The following FRYL variants were observed in gnomAD, a reference collection of about 807,000 sequenced individuals.
FRYL encodes the protein FRY like transcription coactivator.
A neutral mutation model predicts 351.2 loss-of-function variants in FRYL; 150 were observed. The observed-to-expected ratio is 0.43, with a 90% CI of 0.37 to 0.49. The LOEUF (loss-of-function observed/expected upper bound fraction) is 0.49. Among genes scored for constraint, FRYL ranks in the 20% least tolerant of loss-of-function variants. The pLI, the probability that FRYL is intolerant of heterozygous loss-of-function variation, is 0.00. For synonymous variants in FRYL, 1,153 were observed against 1,257.1 expected, an observed-to-expected ratio of 0.92 and a Z score of 1.75; for missense variants, 3,036 against 3,619.3, an observed-to-expected ratio of 0.84 and a Z score of 4.13.
At chr4:48,624,051 T>C (rs1751262221) in intron 4 of FRYL, among the ~76,000 whole-genome samples, 1 of 152,150 alleles carries the variant, frequency 6.6e-6, no homozygotes, top group South Asian at 2.1e-4. Flanking sequence ...TTGCTTGGTA[T>C]CACAGAAGCC....
At chr4:48,545,592 A>G (rs867518951) in intron 42 of FRYL, among the ~76,000 whole-genome samples, 2 of 152,074 alleles carry the variant, frequency 1.3e-5, no homozygotes, top group Middle Eastern at 3.2e-3. Flanking sequence ...AGCTTTCCAT[A>G]ATTGTCTAGA....
chr4:48,541,906 A>G lies in FRYL; in HGVS notation c.5687+121T>C, dbSNP rs559557161. ...GTCTGCGGCCCATCTCCCCACTGGT[A>G]ATCCATCTAATTTGGGCAGTATTGT... On this transcript the variant is annotated intron_variant, in intron 45 of 63. Transcript: ENST00000358350. 2 of 685,880 alleles carry G rather than the reference A, an allele frequency of 2.9e-6. 1 individual carries two copies. Among genetic ancestry groups the G allele is most frequent in the South Asian group, 3.9e-5 (2 of 51,780 alleles). The allele number at this position is 685,880 out of a possible 1,614,324, so 42.5% of individuals were successfully genotyped here. A position where few individuals can be genotyped will look rare whatever the true frequency, so the allele number is the denominator to read the frequency against.
Position 48,628,018 on chromosome 4 carries a change from G to A in FRYL, c.121-4839C>T, listed in dbSNP as rs1177803131. 3.0e-4 allele frequency among the ~76,000 whole-genome samples: 46 copies of A among 152,112 alleles called. 1 individual carries two copies. Among genetic ancestry groups the A allele is most frequent in the Admixed American group, 2.8e-3 (42 of 15,260 alleles). ...ATGCCTGACCTCAGGTGATCCATGC[G>A]CCTCAGCCTCCCAAAGTGCTGGGGT... is the stretch of plus-strand genomic sequence containing the variant. On this transcript the variant is annotated intron_variant, in intron 4 of 63. Coordinates refer to ENST00000358350, the MANE Select transcript of FRYL (RefSeq NM_015030.2).
chr4:48,684,585 T>TCA, intron 3 of FRYL, 88 bp downstream of exon 3: 1 of 152,218 alleles, frequency 6.6e-6, no homozygotes, highest in South Asian at 2.1e-4. Flanking sequence ...GAAATTATAG[T>TCA]AGAACCTCAC....
At chr4:48,583,357 T>C (rs994957482) in intron 19 of FRYL, among the ~76,000 whole-genome samples, 3 of 152,090 alleles carry the variant, frequency 2.0e-5, no homozygotes, top group African/African-American at 7.2e-5. Flanking sequence ...TTCACCGTCT[T>C]AGCCAGGATG....
chr4:48,687,492 C>CGGGGGGGGGGGGGAGGGGGGGGGGGGGG (rs1765256219), intron 2 of FRYL, among the ~76,000 whole-genome samples: 1 of 46,566 alleles, frequency 2.1e-5, no homozygotes, highest in Non-Finnish European at 3.7e-5. Context: ...CAAATGAGGT[C>CGGGGGGGGGGGGGAGGGGGGGGGGGGGG]GGGGGGGGGG....
At chr4:48,705,455 C>T (rs529813723) in intron 2 of FRYL, among the ~76,000 whole-genome samples, 4 of 147,442 alleles carry the variant, frequency 2.7e-5, no homozygotes, top group Non-Finnish European at 4.5e-5. Context: ...GAGTGATCCC[C>T]AGAATATAAC....
At chr4:48,499,780 A>G in intron 63 of FRYL, 100 bp from the exon 64 acceptor site, 8 of 1,123,214 alleles carry the variant, frequency 7.1e-6, no homozygotes, top group Non-Finnish European at 1.0e-5. Context: ...TTCCTTGTGA[A>G]TAACATGATC....
rs769347445 is a variant in FRYL at position 48,581,498 on chromosome 4, A to C, written c.2094T>G (p.Ser698Arg). 5.0e-6 allele frequency: 8 copies of C among 1,613,952 alleles called. No individual in the cohort carries two copies. Among genetic ancestry groups the C allele is most frequent in the Non-Finnish European group, 6.8e-6 (8 of 1,179,980 alleles). Residue 698 changes from serine to arginine, a missense_variant, in exon 21 of 64, where the codon AGT becomes AGG. Ser to Arg is a moderately radical substitution (Grantham distance 110). This residue lies in a region of FRYL where 492 missense variants were observed against 551.5 expected (regional missense o/e 0.89). Coordinates refer to ENST00000358350, the MANE Select transcript of FRYL (RefSeq NM_015030.2). The part of the protein sequence containing the change: ...EGFALVILCS[S>R]RPATRRLAVS... ...CGGCTAGTCTCCTAGTGGCAGGTCG[A>C]CTGCTACAGAGAATGACAAGCGCAA...
In FRYL at chr4:48,753,369, T is replaced by C. The variant is rs16861505; in HGVS notation, c.-384+26709A>G. ...AAGGTGGAGAAAAGAAGGATTTCAATTTGAGTCCCTTCACAAGACTAGGAA... is the reference window on the plus strand; with the variant it reads ...AAGGTGGAGAAAAGAAGGATTTCAACTTGAGTCCCTTCACAAGACTAGGAA... On this transcript the variant is annotated intron_variant, in intron 1 of 63. Coordinates refer to ENST00000358350, the MANE Select transcript of FRYL (RefSeq NM_015030.2). Among the ~76,000 whole-genome samples, 355 of 152,274 alleles carry C rather than the reference T, an allele frequency of 2.3e-3. 3 individuals are homozygous for C. Among genetic ancestry groups the C allele is most frequent in the African/African-American group, 8.1e-3 (337 of 41,538 alleles).
chr4:48,657,316 G>A (rs1037258266), intron 3 of FRYL, among the ~76,000 whole-genome samples: 1 of 149,812 alleles, frequency 6.7e-6, no homozygotes, highest in African/African-American at 2.5e-5. Flanking sequence ...GTAGACAGGT[G>A]CACACCACCA....
At position 48,499,698 on chromosome 4, in the gene FRYL, T is replaced by TTG; in HGVS notation, c.8784-19_8784-18insCA. ...AGAGAGATCTGAAAATACACAATAG[T>TTG]TTTTCAGTTCTGAGACTTAGGCAAT... On this transcript the variant is annotated intron_variant, in intron 63 of 63. Coordinates refer to ENST00000358350, the MANE Select transcript of FRYL (RefSeq NM_015030.2). 6.2e-7 allele frequency: 1 copy of TTG among 1,609,274 alleles called. No homozygotes were observed. The highest frequency in any genetic ancestry group is 8.5e-7 in the Non-Finnish European group (1 of 1,177,164).
intron 3 of FRYL, among the ~76,000 whole-genome samples, chr4:48,671,848 G>A (rs1247642833): frequency 5.5e-5 from 4 of 72,830 alleles, no homozygotes; most frequent in South Asian, 5.0e-4. Flanking sequence ...GAGAGACTCC[G>A]TCTCAAAAAC....
intron 3 of FRYL, among the ~76,000 whole-genome samples, chr4:48,660,321 T>C (rs1760439406): frequency 6.6e-6 from 1 of 152,204 alleles, no homozygotes; most frequent in Non-Finnish European, 1.5e-5. Flanking sequence ...CAGGCCTGAC[T>C]GCTATCCTTT....
chr4:48,644,132 G>A (rs1755892231), intron 3 of FRYL, among the ~76,000 whole-genome samples: 1 of 152,048 alleles, frequency 6.6e-6, no homozygotes, highest in African/African-American at 2.4e-5. Context: ...AGTAGAGATA[G>A]GGTTTCCCCG....
At chr4:48,621,038 C>T (rs528125701) in intron 5 of FRYL, among the ~76,000 whole-genome samples, 9 of 152,292 alleles carry the variant, frequency 5.9e-5, no homozygotes, top group Admixed American at 5.9e-4. Flanking sequence ...GCCACTCGCA[C>T]ATGTAAAAAC....
chr4:48,632,094 A>G (rs1753206223), intron 4 of FRYL, among the ~76,000 whole-genome samples: 1 of 13,866 alleles, frequency 7.2e-5, no homozygotes, highest in Non-Finnish European at 1.8e-4. Context: ...AAAAAAAAAT[A>G]TATATATATA....
chr4:48,594,019 TA>T lies in FRYL; in HGVS notation c.1249-4del, dbSNP rs57943729. Reference sequence around the variant, plus strand: ...TTCATTGCAAAATCCAAGCGTTCCTTAAAAAAAAAAAAATCCTTATAACTTG... The same window carrying T: ...TTCATTGCAAAATCCAAGCGTTCCTTAAAAAAAAAAAATCCTTATAACTTG... On this transcript the variant is annotated splice_polypyrimidine_tract_variant and splice_region_variant and intron_variant, in intron 15 of 63. Coordinates refer to ENST00000358350, the MANE Select transcript of FRYL (RefSeq NM_015030.2). 156,010 of 1,010,056 alleles carry T rather than the reference TA, an allele frequency of 0.15. No individual in the cohort carries two copies. The highest frequency in any genetic ancestry group is 0.21 in the South Asian group (9,737 of 46,432). The allele number at this position is 1,010,056 out of a possible 1,614,324, so 62.6% of individuals were successfully genotyped here.
intron 2 of FRYL, among the ~76,000 whole-genome samples, chr4:48,698,195 AG>A (rs1766384104): frequency 1.3e-5 from 2 of 152,332 alleles, no homozygotes; most frequent in East Asian, 3.9e-4. Context: ...ACCTGAGTGG[AG>A]AAGGGAACAG....
Sources: gnomAD v4.1 joint callset for allele counts (sites outside exome capture counted in the v4.1 genomes callset) on GRCh38, gnomAD v4.1.1 for gene constraint, gnomAD v4.1.1 regional missense constraint, MANE v1.5 for transcripts, NCBI Gene and HGNC (gene_info 2026-07-23, HGNC 2026-07-21) for gene names.